The following SYT9 variants were observed in gnomAD, a reference collection of about 807,000 sequenced individuals.
SYT9 encodes the protein synaptotagmin-9.
Under a neutral mutation model 48.4 loss-of-function variants are expected in SYT9, and 22 were observed. The observed-to-expected ratio is 0.45, with a 90% CI of 0.32 to 0.65. The LOEUF is 0.65. Ranked by LOEUF, SYT9 falls within the 30% of genes least tolerant of loss-of-function variation. The pLI is 0.03. For missense variants in SYT9, 577 were observed against 622.0 expected (o/e 0.93, Z 0.77); for synonymous variants, 265 against 245.0 (o/e 1.08, Z -0.76).
intron 1 of SYT9, among the ~76,000 whole-genome samples, chr11:7,270,718 G>A (rs1460706816): frequency 6.6e-6 from 1 of 152,050 alleles, no homozygotes; most frequent in Admixed American, 6.6e-5. Context: ...TGGCTATTTG[G>A]TATCCTTGGT....
intron 1 of SYT9, 68 bp from the exon 2 acceptor site, chr11:7,302,971 C>A: frequency 7.0e-7 from 1 of 1,426,996 alleles, no homozygotes; most frequent in Non-Finnish European, 9.8e-7. Context: ...GTCATTCTGC[C>A]CACGCTGTGC....
chr11:7,455,334 A>ATTT (rs34629945), intron 6 of SYT9, among the ~76,000 whole-genome samples: 11,259 of 136,444 alleles, frequency 0.083, 671 homozygotes, highest in Non-Finnish European at 0.13. Flanking sequence ...TGTTTAAGCT[A>ATTT]TTTTTTTTTT....
At chr11:7,294,966 T>C (rs1848769430) in intron 1 of SYT9, among the ~76,000 whole-genome samples, 1 of 152,218 alleles carries the variant, frequency 6.6e-6, no homozygotes, top group African/African-American at 2.4e-5. Context: ...CTTCGTTCCT[T>C]CTCTTTTCCT....
In SYT9 at chr11:7,322,864, T is replaced by TC. The variant is rs530002116; in HGVS notation, c.1044+8923_1044+8924insC. Among the ~76,000 whole-genome samples the TC allele has an allele frequency of 9.9e-5, 15 of 152,262 alleles. No individual in the cohort carries two copies. In the South Asian group the frequency reaches 2.9e-3, roughly 29 times the overall value. On this transcript the variant is annotated intron_variant, in intron 3 of 6. Coordinates refer to ENST00000318881, the MANE Select transcript of SYT9 (RefSeq NM_175733.4). ...TTTTATATGTATAATTCCCTGTTTT[T>TC]AAAAATCATTTTACCACTTAAGAAT...
At chr11:7,319,782 C>T (rs1310100430) in intron 3 of SYT9, among the ~76,000 whole-genome samples, 1 of 152,184 alleles carries the variant, frequency 6.6e-6, no homozygotes, top group East Asian at 1.9e-4. Flanking sequence ...GCTCTGCAGT[C>T]CTCTGAATGC....
At chr11:7,355,116 T>A (rs1367370894) in intron 3 of SYT9, among the ~76,000 whole-genome samples, 2 of 152,154 alleles carry the variant, frequency 1.3e-5, no homozygotes, top group Admixed American at 1.3e-4. Flanking sequence ...TCCCTGCAAC[T>A]CTTCTCACAC....
chr11:7,434,939 A>G (rs1217247831), intron 6 of SYT9: 1 of 152,160 alleles, frequency 6.6e-6, no homozygotes, highest in Non-Finnish European at 1.5e-5. Flanking sequence ...TGGCACTTCC[A>G]TTGCCTAGTA....
chr11:7,309,805 TTA>T (rs1849097771), intron 2 of SYT9, among the ~76,000 whole-genome samples: 1 of 152,072 alleles, frequency 6.6e-6, no homozygotes, highest in African/African-American at 2.4e-5. Flanking sequence ...TACAGGGAGG[TTA>T]TGAGTTACCC....
rs574834107 is a variant in SYT9, at chr11:7,348,771, A to G, written c.1044+34830A>G. Among the ~76,000 whole-genome samples the G allele has an allele frequency of 9.5e-4, 112 of 117,850 alleles. 1 individual carries two copies. Among genetic ancestry groups the G allele is most frequent in the Admixed American group, 1.6e-3 (14 of 8,570 alleles). 77.3% of individuals were successfully genotyped at this position (117,850 alleles called of 152,430 possible). On this transcript the variant is annotated intron_variant, in intron 3 of 6. Coordinates refer to ENST00000318881, the MANE Select transcript of SYT9 (RefSeq NM_175733.4). ...TTAGGAATTGAGCTGATCCCTTTTT[A>G]AAATGGGTTTTTCTTTTACTGTCTC...
chr11:7,369,537 T>G (rs1850317230), intron 3 of SYT9, among the ~76,000 whole-genome samples: 1 of 152,166 alleles, frequency 6.6e-6, no homozygotes, highest in South Asian at 2.1e-4. Context: ...GGTGTTTTAG[T>G]CATGAAGTCT....
chr11:7,370,348 T>C (rs185711321), intron 3 of SYT9, among the ~76,000 whole-genome samples: 55 of 152,340 alleles, frequency 3.6e-4, no homozygotes, highest in Middle Eastern at 6.8e-3. Context: ...TTTTAAAGAC[T>C]GTTTCCTTTT....
intron 3 of SYT9, among the ~76,000 whole-genome samples, chr11:7,338,251 A>G (rs1043520396): frequency 9.2e-5 from 14 of 151,982 alleles, no homozygotes; most frequent in Non-Finnish European, 1.8e-4. Context: ...TTTCTTCTTT[A>G]TTAATCTAAC....
intron 3 of SYT9, among the ~76,000 whole-genome samples, chr11:7,394,932 C>T (rs1415963615): frequency 6.6e-6 from 1 of 152,012 alleles, no homozygotes; most frequent in East Asian, 1.9e-4. Flanking sequence ...TCAATGTTTA[C>T]CCAAAAGACA....
At chr11:7,404,502 G>T (rs771319263) in intron 3 of SYT9, among the ~76,000 whole-genome samples, 22 of 151,994 alleles carry the variant, frequency 1.4e-4, no homozygotes, top group Admixed American at 4.6e-4. Context: ...CAGGTTTAGA[G>T]TATATATCTT....
chr11:7,446,297 G>GT (rs1376317489), intron 6 of SYT9, among the ~76,000 whole-genome samples: 1 of 152,226 alleles, frequency 6.6e-6, no homozygotes, highest in East Asian at 1.9e-4. Context: ...TCTGAGAGTT[G>GT]TAAGAATTAA....
chr11:7,441,279 C>T (rs779900702), intron 6 of SYT9: 5 of 152,168 alleles, frequency 3.3e-5, no homozygotes, highest in Admixed American at 6.5e-5. Context: ...AGAGGTGAGA[C>T]TCCTAAAACA....
At chr11:7,269,614 C>A (rs1461093416) in intron 1 of SYT9, among the ~76,000 whole-genome samples, 9 of 152,002 alleles carry the variant, frequency 5.9e-5, no homozygotes, top group Non-Finnish European at 1.3e-4. Flanking sequence ...CCAGCACTTA[C>A]ATTTACATCC....
At chr11:7,255,706 C>G (rs1458230622) in intron 1 of SYT9, among the ~76,000 whole-genome samples, 5 of 152,092 alleles carry the variant, frequency 3.3e-5, no homozygotes, top group African/African-American at 9.7e-5. Flanking sequence ...ATTCCATGTA[C>G]AAGTAGAAGT....
At chr11:7,311,275 C>A (rs553832412) in intron 2 of SYT9, among the ~76,000 whole-genome samples, 74 of 152,156 alleles carry the variant, frequency 4.9e-4, no homozygotes, top group Non-Finnish European at 1.0e-3. Flanking sequence ...GCACTTCAGC[C>A]CCAGTTGACA....
Sources: allele counts gnomAD v4.1 joint callset (sites outside exome capture counted in the v4.1 genomes callset), GRCh38; gene constraint gnomAD v4.1.1; transcripts MANE v1.5; gene names NCBI Gene and HGNC (gene_info 2026-07-23, HGNC 2026-07-21).